URGCP: variants seen among roughly 807,000 people sequenced by gnomAD.
URGCP encodes the protein up-regulator of cell proliferation.
A neutral mutation model predicts 24.6 loss-of-function variants in URGCP; 13 were observed. The observed-to-expected ratio is 0.53, with a 90% CI of 0.34 to 0.84. The LOEUF (loss-of-function observed/expected upper bound fraction) is 0.84. URGCP is among the 40% of genes least tolerant of loss of function. The pLI, the probability that URGCP is intolerant of heterozygous loss-of-function variation, is 0.01. For synonymous variants in URGCP, 444 were observed against 487.2 expected (o/e 0.91, Z 1.17); for missense variants, 899 against 1,194.3 (o/e 0.75, Z 3.64).
chr7:43,926,454 C>G (rs1346210097), upstream of URGCP: 13 of 1,316,062 alleles, frequency 9.9e-6, 1 homozygote, highest in South Asian at 1.7e-5. Context: ...CGGCGTGCAG[C>G]TTGGTGGCGG....
chr7:43,906,888 G>A (rs2095904484), upstream of URGCP: 1 of 211,338 alleles, frequency 4.7e-6, no homozygotes, highest in Admixed American at 5.9e-5. Context: ...ACCTGCCCCA[G>A]GGCCTTACTG....
intron 1 of URGCP, among the ~76,000 whole-genome samples, chr7:43,894,981 G>A (rs150808391): frequency 1.3e-5 from 2 of 152,200 alleles, no homozygotes; most frequent in African/African-American, 4.8e-5. Flanking sequence ...AGTAAGCTGT[G>A]ATCACACCAC....
intron 1 of URGCP, among the ~76,000 whole-genome samples, chr7:43,903,433 C>A (rs58416291): frequency 6.6e-6 from 1 of 152,308 alleles, no homozygotes; most frequent in South Asian, 2.1e-4. Context: ...GAATAAGTGA[C>A]TATTTAAAAT....
intron 3 of URGCP, among the ~76,000 whole-genome samples, chr7:43,884,700 G>A (rs560755076): frequency 6.6e-6 from 1 of 152,202 alleles, no homozygotes; most frequent in East Asian, 1.9e-4. Context: ...CGGGTGCAGT[G>A]GCTCACACCT....
chr7:43,900,773 T>C (rs1466543397), intron 1 of URGCP, among the ~76,000 whole-genome samples: 1 of 152,206 alleles, frequency 6.6e-6, no homozygotes, highest in Non-Finnish European at 1.5e-5. Flanking sequence ...AAGGAAGAGT[T>C]CCTTCTAAGT....
intron 2 of URGCP, 91 bp downstream of exon 2, chr7:43,887,699 G>A (rs1173870106): frequency 7.9e-6 from 12 of 1,518,874 alleles, no homozygotes; most frequent in Non-Finnish European, 9.7e-6. Flanking sequence ...ACCCACAGTT[G>A]AGAAACACTG....
chr7:43,918,249 G>A (rs1422188229), intron 1 of URGCP, among the ~76,000 whole-genome samples: 1 of 148,768 alleles, frequency 6.7e-6, no homozygotes, highest in African/African-American at 2.5e-5. Context: ...ACTCCAGCCT[G>A]GGCAATAGAC....
intron 1 of URGCP, chr7:43,919,933 A>G (rs1038902530): frequency 3.0e-6 from 4 of 1,328,388 alleles, no homozygotes; most frequent in Non-Finnish European, 3.3e-6. Context: ...CGCAAGGAGG[A>G]CATGTTCAAG....
intron 1 of URGCP, 31 bp downstream of exon 1, chr7:43,906,531 G>T (rs567789984): frequency 1.2e-4 from 143 of 1,212,528 alleles, no homozygotes; most frequent in Admixed American, 3.1e-4. Flanking sequence ...CGGCAGCCGC[G>T]GGGGCGCAGG....
At chr7:43,912,851 A>AT (rs556790949) in intron 1 of URGCP, among the ~76,000 whole-genome samples, 58 of 146,632 alleles carry the variant, frequency 4.0e-4, no homozygotes, top group East Asian at 6.0e-4. Flanking sequence ...TTCTCCTTCA[A>AT]TTTTTTTTTT....
At chr7:43,899,093 C>A (rs561228368) in intron 1 of URGCP, among the ~76,000 whole-genome samples, 103 of 149,456 alleles carry the variant, frequency 6.9e-4, no homozygotes, top group African/African-American at 2.4e-3. Flanking sequence ...AAGACTACAC[C>A]ACTGCACTCC....
At chr7:43,916,706 T>TC (rs2095915830) in intron 1 of URGCP, among the ~76,000 whole-genome samples, 12 of 29,820 alleles carry the variant, frequency 4.0e-4, no homozygotes, top group Admixed American at 7.7e-4. Flanking sequence ...TCCCACTCCC[T>TC]ACCCACCCCC....
intron 3 of URGCP, among the ~76,000 whole-genome samples, chr7:43,882,578 A>G (rs1334920246): frequency 6.6e-6 from 1 of 151,934 alleles, no homozygotes; most frequent in Non-Finnish European, 1.5e-5. Flanking sequence ...ACTGCATTCC[A>G]GCGTGGGCAT....
At chr7:43,924,722 T>C (rs577426526) in intron 1 of URGCP, among the ~76,000 whole-genome samples, 1 of 152,230 alleles carries the variant, frequency 6.6e-6, no homozygotes, top group East Asian at 1.9e-4. Context: ...AAACACTTGA[T>C]AGTCAGGTGG....
chr7:43,876,452 G>C lies in URGCP; in HGVS notation c.*215C>G. 1 of 588,030 alleles carries C rather than the reference G, an allele frequency of 1.7e-6. No homozygotes were observed. Among genetic ancestry groups the C allele is most frequent in the South Asian group, 2.1e-5 (1 of 47,276 alleles). 36.4% of individuals were successfully genotyped at this position (588,030 alleles called of 1,614,324 possible). A position where few individuals can be genotyped will look rare whatever the true frequency, so the allele number is the denominator to read the frequency against. On this transcript the variant is annotated 3_prime_UTR_variant, in exon 6 of 6. Coordinates refer to ENST00000453200, the MANE Select transcript of URGCP (RefSeq NM_001077663.3). ...TGCTTGTCTCCCTACCCTGGGGGCT[G>C]TGATATTCTTGGTAACATCTCTGAG...
intron 1 of URGCP, among the ~76,000 whole-genome samples, chr7:43,912,853 T>G (rs540689016): frequency 7.7e-6 from 1 of 129,082 alleles, no homozygotes; most frequent in Non-Finnish European, 1.8e-5. Flanking sequence ...CTCCTTCAAT[T>G]TTTTTTTTTC....
Position 43,878,969 on chromosome 7 carries a change from G to A in URGCP, c.494C>T (p.Ala165Val). Residue 165 changes from alanine (A) to valine (V), a missense_variant, in exon 6 of 6, where the codon GCT (alanine) becomes GTT (valine). Physicochemically the swap from Ala to Val is moderately conservative, Grantham distance 64. Transcript: ENST00000453200. The surrounding 1 kb of genome is among the most constrained non-coding windows in gnomAD (Gnocchi z 5.6). ...CTCAGAAAAGGAATAAATGTCGGCA[G>A]CAAGGTCATCAGCTGGGTCCCAGTA... ...IIYWDPADDL[A>V]ADIYSFSELP... 1 of 1,614,238 alleles carries A rather than the reference G, an allele frequency of 6.2e-7. No individual in the cohort carries two copies. Among genetic ancestry groups the A allele is most frequent in the South Asian group, 1.1e-5 (1 of 91,086 alleles).
intron 5 of URGCP, 102 bp from the exon 6 acceptor site, chr7:43,879,362 G>A (rs1164365275): frequency 3.4e-5 from 47 of 1,369,740 alleles, no homozygotes; most frequent in South Asian, 2.1e-4. Flanking sequence ...GGAGAGTGAC[G>A]ACCCCCTTCA....
intron 1 of URGCP, among the ~76,000 whole-genome samples, chr7:43,903,168 A>AATGTAGGTAAAT (rs911670039): frequency 1.3e-5 from 2 of 152,142 alleles, no homozygotes; most frequent in Non-Finnish European, 2.9e-5. Flanking sequence ...AGAGAAAAAA[A>AATGTAGGTAAAT]ATGTAGGTAA....
Sources: gnomAD v4.1 joint callset for allele counts (sites outside exome capture counted in the v4.1 genomes callset) on GRCh38, gnomAD v4.1.1 for gene constraint, Gnocchi (gnomAD v3.1) non-coding constraint, MANE v1.5 for transcripts, NCBI Gene and HGNC (gene_info 2026-07-23, HGNC 2026-07-21) for gene names.